BORCS5: variants seen among roughly 807,000 people sequenced by gnomAD.
The protein encoded by BORCS5 is BLOC-1 related complex subunit 5.
In BORCS5, 17 loss-of-function variants were observed where a neutral mutation model predicts 22.1. The ratio of observed to expected loss-of-function variants is 0.77; its 90% confidence interval spans 0.53 to 1.15. The LOEUF (loss-of-function observed/expected upper bound fraction) is 1.15. BORCS5 is among the 50% of genes most tolerant of loss of function. The pLI, the probability that BORCS5 is intolerant of heterozygous loss-of-function variation, is 0.00. For synonymous variants in BORCS5, 117 were observed against 99.8 expected, an observed-to-expected ratio of 1.17 and a Z score of -1.03; for missense variants, 247 against 253.2, an observed-to-expected ratio of 0.98 and a Z score of 0.17.
In BORCS5 at chr12:12,447,753, A is replaced by T. The variant is rs572705228; in HGVS notation, c.360+11968A>T. ...CATACACGAGGGAATTACAGAGCAC[A>T]TAGTCCAGTTTTCTATTGTTTCATT... On this transcript the variant is annotated intron_variant, in intron 3 of 3. Coordinates refer to ENST00000314565, the MANE Select transcript of BORCS5 (RefSeq NM_058169.6). Among the ~76,000 whole-genome samples, 10 of 152,318 alleles carry T rather than the reference A, an allele frequency of 6.6e-5. No individual in the cohort carries two copies. In the East Asian group the frequency reaches 1.7e-3, roughly 26 times the overall value.
chr12:12,449,192 G>C (rs957715615), intron 3 of BORCS5, among the ~76,000 whole-genome samples: 1 of 152,156 alleles, frequency 6.6e-6, no homozygotes, highest in Non-Finnish European at 1.5e-5. Flanking sequence ...CACTCTGGAG[G>C]GGTTGCAGAG....
chr12:12,371,278 C>T (rs975040657), intron 2 of BORCS5, among the ~76,000 whole-genome samples: 55 of 151,990 alleles, frequency 3.6e-4, no homozygotes, highest in African/African-American at 1.2e-3. Flanking sequence ...CACATTTACA[C>T]CTATGTTTAT....
At chr12:12,416,429 T>C (rs1450661674) in intron 2 of BORCS5, among the ~76,000 whole-genome samples, 1 of 151,912 alleles carries the variant, frequency 6.6e-6, no homozygotes, top group East Asian at 1.9e-4. Flanking sequence ...GTGTGAGATC[T>C]TTCTTTTTAT....
At position 12,422,211 on chromosome 12, in the gene BORCS5, A is replaced by G. The variant is rs150329018; in HGVS notation, c.203-13417A>G. On this transcript the variant is annotated intron_variant, in intron 2 of 3. Transcript: ENST00000314565. ...TTATGCTGTTTTCTTTGCACTTATC[A>G]TGAGGATTATATTTAAGATCCTAAC... 1.5e-3 allele frequency among the ~76,000 whole-genome samples: 232 copies of G among 152,014 alleles called. 3 individuals are homozygous for G. The highest frequency in any genetic ancestry group is 5.4e-3 in the African/African-American group (224 of 41,466).
intron 2 of BORCS5, among the ~76,000 whole-genome samples, chr12:12,380,594 G>T (rs1863755232): frequency 6.6e-6 from 1 of 151,502 alleles, no homozygotes; most frequent in Admixed American, 6.6e-5. Context: ...GTGACCATGT[G>T]TTCATGTGAA....
intron 2 of BORCS5, among the ~76,000 whole-genome samples, chr12:12,430,883 T>G (rs1234051628): frequency 6.6e-6 from 1 of 152,220 alleles, no homozygotes; most frequent in Non-Finnish European, 1.5e-5. Flanking sequence ...GAGGTTTTTT[T>G]CCATGTAAGT....
At chr12:12,439,103 T>TC (rs1942626702) in intron 3 of BORCS5, among the ~76,000 whole-genome samples, 1 of 152,246 alleles carries the variant, frequency 6.6e-6, no homozygotes, top group South Asian at 2.1e-4. Context: ...GTTATAATGC[T>TC]GTTATACCTA....
chr12:12,381,191 G>T (rs926453519), intron 2 of BORCS5, among the ~76,000 whole-genome samples: 1 of 150,926 alleles, frequency 6.6e-6, no homozygotes, highest in South Asian at 2.1e-4. Flanking sequence ...GTAGAGACAG[G>T]CTTTCACCAT....
intron 3 of BORCS5, among the ~76,000 whole-genome samples, chr12:12,462,034 T>C (rs554309250): frequency 6.6e-6 from 1 of 152,186 alleles, no homozygotes; most frequent in Non-Finnish European, 1.5e-5. Flanking sequence ...AAAAGAAAAT[T>C]CATGTTAATG....
At position 12,466,217 on chromosome 12, in the gene BORCS5, T is replaced by A. The variant is rs1943200245; in HGVS notation, c.*441T>A. 6.4e-6 allele frequency: 1 copy of A among 157,428 alleles called. No individual in the cohort carries two copies. The highest frequency in any genetic ancestry group is 2.4e-5 in the African/African-American group (1 of 41,512). 9.8% of individuals were successfully genotyped at this position (157,428 alleles called of 1,614,324 possible). ...GCTGTCTGGTTTATGTGTGGTCAACTTGAAAAACTAATTGAATCTAGGTCT... is the reference window on the plus strand; with the variant it reads ...GCTGTCTGGTTTATGTGTGGTCAACATGAAAAACTAATTGAATCTAGGTCT... On this transcript the variant is annotated 3_prime_UTR_variant, in exon 4 of 4. Transcript: ENST00000314565.
intron 2 of BORCS5, among the ~76,000 whole-genome samples, chr12:12,366,882 TG>T (rs1482987918): frequency 6.6e-6 from 1 of 152,256 alleles, no homozygotes; most frequent in African/African-American, 2.4e-5. Context: ...CTGTCATTTT[TG>T]TTACTGACCT....
At chr12:12,403,176 G>A (rs1941515807) in intron 2 of BORCS5, among the ~76,000 whole-genome samples, 1 of 152,132 alleles carries the variant, frequency 6.6e-6, no homozygotes, top group Non-Finnish European at 1.5e-5. Flanking sequence ...GGCTCAGAGA[G>A]ATGAAAGACC....
intron 2 of BORCS5, among the ~76,000 whole-genome samples, chr12:12,390,479 A>G (rs1011013843): frequency 3.9e-5 from 6 of 152,094 alleles, no homozygotes; most frequent in African/African-American, 7.3e-5. Flanking sequence ...AAGGATAACT[A>G]GAAATACAGA....
At chr12:12,390,801 T>A (rs1023682338) in intron 2 of BORCS5, among the ~76,000 whole-genome samples, 12 of 146,150 alleles carry the variant, frequency 8.2e-5, no homozygotes, top group African/African-American at 3.0e-4. Context: ...AAAAAAAAAA[T>A]TATGGTCAAA....
intron 2 of BORCS5, among the ~76,000 whole-genome samples, chr12:12,425,128 G>T (rs1942248589): frequency 6.6e-6 from 1 of 152,184 alleles, no homozygotes; most frequent in Non-Finnish European, 1.5e-5. Flanking sequence ...CCCACAAACT[G>T]TGTGCAAGCC....
chr12:12,451,114 C>G (rs1174264558), intron 3 of BORCS5, among the ~76,000 whole-genome samples: 1 of 150,718 alleles, frequency 6.6e-6, no homozygotes, highest in African/African-American at 2.4e-5. Context: ...TTTCTCTTTT[C>G]TGGTTGACAG....
At chr12:12,456,300 A>T (rs560181536) in intron 3 of BORCS5, among the ~76,000 whole-genome samples, 3 of 152,304 alleles carry the variant, frequency 2.0e-5, no homozygotes, top group African/African-American at 7.2e-5. Context: ...GCATGGTGGC[A>T]TGTGCCTGTA....
intron 3 of BORCS5, among the ~76,000 whole-genome samples, chr12:12,448,221 A>T (rs1008481683): frequency 4.0e-5 from 6 of 151,528 alleles, no homozygotes; most frequent in Non-Finnish European, 7.4e-5. Flanking sequence ...TTATTTATTT[A>T]TTTATTTTTT....
At chr12:12,373,250 C>A (rs1863570357) in intron 2 of BORCS5, among the ~76,000 whole-genome samples, 1 of 152,170 alleles carries the variant, frequency 6.6e-6, no homozygotes, top group Non-Finnish European at 1.5e-5. Flanking sequence ...TGTGCTAGCA[C>A]CTAAATCTTG....
Sources: allele counts gnomAD v4.1 joint callset (sites outside exome capture counted in the v4.1 genomes callset), GRCh38; gene constraint gnomAD v4.1.1; transcripts MANE v1.5; gene names NCBI Gene and HGNC (gene_info 2026-07-23, HGNC 2026-07-21).